Variants in SMU1 observed in about 807,000 individuals in gnomAD.
SMU1 encodes WD40 repeat-containing protein SMU1.
In SMU1, 2 loss-of-function variants were observed where a neutral mutation model predicts 62.0. The ratio of observed to expected loss-of-function variants is 0.03; its 90% CI spans 0.01 to 0.10. SMU1 has a LOEUF of 0.10. Among genes scored for constraint, SMU1 ranks in the 10% least tolerant of loss-of-function variants. The pLI, the probability that SMU1 is intolerant of heterozygous loss-of-function variation, is 1.00. For synonymous variants in SMU1, 188 were observed against 212.4 expected (o/e 0.89, Z 1.00); for missense variants, 227 against 622.1 (o/e 0.36, Z 6.76).
intron 6 of SMU1, among the ~76,000 whole-genome samples, chr9:33,057,936 C>T (rs1450190313): frequency 6.6e-6 from 1 of 152,156 alleles, no homozygotes; most frequent in Non-Finnish European, 1.5e-5. Context: ...AAAAAATACC[C>T]ACATACTACT....
intron 4 of SMU1, among the ~76,000 whole-genome samples, chr9:33,067,496 CTTT>C (rs1163444916): frequency 2.3e-5 from 3 of 129,680 alleles, no homozygotes; most frequent in Admixed American, 7.8e-5. Context: ...AAGCAGCTTA[CTTT>C]TTTTTTTTTT....
chr9:33,064,455 A>G (rs1470719782), intron 4 of SMU1, among the ~76,000 whole-genome samples: 1 of 152,166 alleles, frequency 6.6e-6, no homozygotes, highest in Non-Finnish European at 1.5e-5. Flanking sequence ...GCAGGCTCTG[A>G]TCTGACCTCT....
In SMU1 at chr9:33,071,982, T is replaced by C. The variant is rs1400446899; in HGVS notation, c.238-90A>G. 15 of 1,295,376 alleles carry C rather than the reference T, an allele frequency of 1.2e-5. No individual in the cohort carries two copies. In the Admixed American group the frequency reaches 2.2e-4, roughly 19 times the overall value. The allele number at this position is 1,295,376 out of a possible 1,614,324, so 80.2% of individuals were successfully genotyped here. A position where few individuals can be genotyped will look rare whatever the true frequency, so the allele number is the denominator to read the frequency against. ...TTCGGTAAAATATCTAACACAGATA[T>C]GGCCTGTCAAAGGATTTCCAATACC... On this transcript the variant is annotated intron_variant, in intron 2 of 11. Coordinates refer to ENST00000397149, the MANE Select transcript of SMU1 (RefSeq NM_018225.3).
chr9:33,066,910 TGCAGCAATGCAAGAGA>T (rs1267532522), intron 4 of SMU1, among the ~76,000 whole-genome samples: 1 of 151,912 alleles, frequency 6.6e-6, no homozygotes, highest in Non-Finnish European at 1.5e-5. Flanking sequence ...ACAGTAACTG[TGCAGCAATGCAAGAGA>T]ACTAGTCCTG....
intron 2 of SMU1, among the ~76,000 whole-genome samples, chr9:33,072,682 A>G (rs1029978668): frequency 1.3e-5 from 2 of 151,784 alleles, no homozygotes; most frequent in African/African-American, 4.8e-5. Context: ...CACAAAACTT[A>G]GCTGGGCGTG....
intron 4 of SMU1, 50 bp downstream of exon 4, chr9:33,068,774 G>C: frequency 6.3e-7 from 1 of 1,598,100 alleles, no homozygotes; most frequent in Non-Finnish European, 8.5e-7. Context: ...CAAAGTGCAA[G>C]GATGACAGGT....
At chr9:33,068,992 G>A in intron 3 of SMU1, 58 bp from the exon 4 acceptor site, 4 of 1,575,546 alleles carry the variant, frequency 2.5e-6, no homozygotes, top group Middle Eastern at 1.7e-4. Flanking sequence ...ATATGAGTGT[G>A]CTTATTTAAA....
At chr9:33,060,720 T>C (rs1021611461) in intron 5 of SMU1, 136 bp from the exon 6 acceptor site, 4 of 1,073,334 alleles carry the variant, frequency 3.7e-6, no homozygotes, top group Non-Finnish European at 5.3e-6. Context: ...TGGAGGGGTA[T>C]TTCTGTACCT....
rs1337883375 is a variant in SMU1, at chr9:33,047,323, T to C, written c.1512A>G (p.Glu504=). Residue 504 remains glutamate (E), a synonymous_variant, in exon 12 of 12, where the codon GAA becomes GAG. Transcript: ENST00000397149. ...GTTTCCAGAGCTTTAGGAGTCCATCTTCACTGTAGGTAGCAATCAGGTTCT... is the reference window on the plus strand; with the variant it reads ...GTTTCCAGAGCTTTAGGAGTCCATCCTCACTGTAGGTAGCAATCAGGTTCT... ...PHQNLIATYS[E]DGLLKLWKP 6.2e-7 allele frequency: 1 copy of C among 1,612,812 alleles called. No individual in the cohort carries two copies. Among genetic ancestry groups the C allele is most frequent in the Non-Finnish European group, 8.5e-7 (1 of 1,179,418 alleles).
In SMU1 at chr9:33,044,725, A is replaced by T. The variant is rs2119412271; in HGVS notation, c.*2568T>A. Reference sequence around the variant, plus strand: ...AAGGCAGATTTTCAACTTAGCGTTTACATGTTCACCCAGTGCATTATTTTA... The same window carrying T: ...AAGGCAGATTTTCAACTTAGCGTTTTCATGTTCACCCAGTGCATTATTTTA... On this transcript the variant is annotated 3_prime_UTR_variant, in exon 12 of 12. Coordinates refer to ENST00000397149, the MANE Select transcript of SMU1 (RefSeq NM_018225.3). 1 of 152,386 alleles carries T rather than the reference A, an allele frequency of 6.6e-6. No homozygotes were observed. 9.4% of individuals were successfully genotyped at this position (152,386 alleles called of 1,614,324 possible).
chr9:33,053,396 CA>C (rs1587707215), intron 9 of SMU1, 106 bp from the exon 10 acceptor site: 2 of 1,191,888 alleles, frequency 1.7e-6, no homozygotes, highest in Non-Finnish European at 1.2e-6. Context: ...AGAAATGATT[CA>C]GGGGAAAAAA....
At chr9:33,069,276 A>C (rs1267635114) in intron 3 of SMU1, among the ~76,000 whole-genome samples, 1 of 152,176 alleles carries the variant, frequency 6.6e-6, no homozygotes, top group Non-Finnish European at 1.5e-5. Context: ...GTTTTTGAAA[A>C]ATTTGCAGAA....
chr9:33,076,572 G>C lies in SMU1; in HGVS notation c.26+11C>G. 1 of 1,613,626 alleles carries C rather than the reference G, an allele frequency of 6.2e-7. No homozygotes were observed. The highest frequency in any genetic ancestry group is 8.5e-7 in the Non-Finnish European group (1 of 1,180,004). On this transcript the variant is annotated intron_variant, in intron 1 of 11. Transcript: ENST00000397149. ...CCGGCAAGGCGCGAACATCCCCACC[G>C]CAGGACTCACTCCGAAGATTCGATT...
intron 4 of SMU1, among the ~76,000 whole-genome samples, chr9:33,066,597 A>T (rs1429610336): frequency 2.6e-5 from 4 of 151,204 alleles, no homozygotes; most frequent in Non-Finnish European, 5.9e-5. Flanking sequence ...CACGAGGTCA[A>T]GAGATCGAGA....
intron 9 of SMU1, among the ~76,000 whole-genome samples, chr9:33,054,408 A>G (rs572189941): frequency 6.6e-6 from 1 of 152,256 alleles, no homozygotes; most frequent in East Asian, 1.9e-4. Flanking sequence ...AAAGCTACAA[A>G]TGATTCCAAT....
intron 1 of SMU1, among the ~76,000 whole-genome samples, chr9:33,075,828 A>T (rs1243862505): frequency 2.6e-5 from 4 of 152,224 alleles, no homozygotes; most frequent in Non-Finnish European, 4.4e-5. Context: ...GTTGGCAAGG[A>T]CAGGTGGAGG....
At chr9:33,060,395 G>A in intron 6 of SMU1, 70 bp downstream of exon 6, 1 of 1,307,640 alleles carries the variant, frequency 7.6e-7, no homozygotes, top group Non-Finnish European at 1.1e-6. Context: ...CTGATTTAGA[G>A]GCCATAGGTA....
At chr9:33,071,936 C>T (rs139465797) in intron 2 of SMU1, 44 bp from the exon 3 acceptor site, 1 of 1,478,072 alleles carries the variant, frequency 6.8e-7, no homozygotes, top group African/African-American at 1.5e-5. Flanking sequence ...GATGTTTCAA[C>T]ACACCGTCTT....
chr9:33,070,786 G>A (rs1460148857), intron 3 of SMU1, among the ~76,000 whole-genome samples: 1 of 152,178 alleles, frequency 6.6e-6, no homozygotes, highest in East Asian at 1.9e-4. Flanking sequence ...CAGAAAGACA[G>A]ACTTTGCATG....
Sources: allele counts gnomAD v4.1 joint callset (sites outside exome capture counted in the v4.1 genomes callset), GRCh38; gene constraint gnomAD v4.1.1; transcripts MANE v1.5; gene names NCBI Gene and HGNC (gene_info 2026-07-23, HGNC 2026-07-21).